ARHGEF7: variants seen among roughly 807,000 people sequenced by gnomAD.
The protein encoded by ARHGEF7 is Rho guanine nucleotide exchange factor 7.
ARHGEF7 carries 33 observed loss-of-function variants against 109.8 expected under a neutral mutation model. The observed-to-expected ratio is 0.30, with a 90% CI of 0.23 to 0.40. The LOEUF (loss-of-function observed/expected upper bound fraction) is 0.40, where lower values mean the gene tolerates loss of function less well. ARHGEF7 is among the 10% of genes least tolerant of loss of function. The pLI is 1.00. For missense variants in ARHGEF7, 938 were observed against 1,098.5 expected (o/e 0.85, Z 2.07); for synonymous variants, 458 against 424.6 (o/e 1.08, Z -0.97).
intron 18 of ARHGEF7, among the ~76,000 whole-genome samples, chr13:111,291,839 T>C (rs1255986574): frequency 1.3e-5 from 2 of 152,212 alleles, no homozygotes; most frequent in African/African-American, 2.4e-5. Context: ...TAGAGCAATA[T>C]CTTTTTTTAA....
intron 2 of ARHGEF7, among the ~76,000 whole-genome samples, chr13:111,168,885 T>G (rs2077348540): frequency 6.6e-6 from 1 of 152,200 alleles, no homozygotes; most frequent in African/African-American, 2.4e-5. Flanking sequence ...TTGGATGACA[T>G]GAGGAGGGTA....
In ARHGEF7 at chr13:111,273,679, A is replaced by C; in HGVS notation, c.1074-135A>C. The C allele has an allele frequency of 1.6e-6, 2 of 1,258,680 alleles. No individual in the cohort carries two copies. Among genetic ancestry groups the C allele is most frequent in the African/African-American group, 3.0e-5 (2 of 67,248 alleles). 78.0% of individuals were successfully genotyped at this position (1,258,680 alleles called of 1,614,324 possible). A position where few individuals can be genotyped will look rare whatever the true frequency, so the allele number is the denominator to read the frequency against. On this transcript the variant is annotated intron_variant, in intron 9 of 21. Transcript: ENST00000646102. This position sits in a 1 kb window ranked among gnomAD's most constrained non-coding sequence, Gnocchi z 4.5. ...CAGATAAGCAGCGCAGATTTGGGAT[A>C]AAAGCTGGAGCCTTCCAGATGTTAA...
At chr13:111,222,601 TG>T (rs1252838377) in intron 5 of ARHGEF7, among the ~76,000 whole-genome samples, 1 of 152,174 alleles carries the variant, frequency 6.6e-6, no homozygotes, top group Non-Finnish European at 1.5e-5. Flanking sequence ...GGCTAATTTT[TG>T]TATTTTTAGT....
intron 8 of ARHGEF7, among the ~76,000 whole-genome samples, chr13:111,262,416 G>A (rs151017251): frequency 6.8e-6 from 1 of 146,896 alleles, no homozygotes; most frequent in African/African-American, 2.4e-5. Context: ...GTGTGTGCAT[G>A]TGTGTGTGTG....
chr13:111,120,762 G>T (rs776136752), intron 1 of ARHGEF7, among the ~76,000 whole-genome samples: 3 of 152,180 alleles, frequency 2.0e-5, no homozygotes, highest in Non-Finnish European at 4.4e-5. Flanking sequence ...TGTCTGCCCA[G>T]CATGGCAGGC....
chr13:111,254,648 T>A, intron 8 of ARHGEF7, among the ~76,000 whole-genome samples: 1 of 109,954 alleles, frequency 9.1e-6, no homozygotes, highest in African/African-American at 3.7e-5. Flanking sequence ...CAGAAGAGGA[T>A]TCGGGCTAAG....
At chr13:111,137,569 G>C (rs1311975500) in intron 1 of ARHGEF7, among the ~76,000 whole-genome samples, 1 of 152,204 alleles carries the variant, frequency 6.6e-6, no homozygotes, top group Non-Finnish European at 1.5e-5. Flanking sequence ...TGGGCTTTTG[G>C]AGTATTTAAG....
chr13:111,120,883 G>A (rs991118790), intron 1 of ARHGEF7, among the ~76,000 whole-genome samples: 3 of 152,226 alleles, frequency 2.0e-5, no homozygotes, highest in Non-Finnish European at 4.4e-5. Flanking sequence ...TGCACTCGGA[G>A]GCGGAAGATT....
rs569114092 is a variant in ARHGEF7 at position 111,215,695 on chromosome 13, G to T, written c.469-1984G>T. 9.8e-4 allele frequency among the ~76,000 whole-genome samples: 149 copies of T among 152,274 alleles called. 1 individual carries two copies. Among genetic ancestry groups the T allele is most frequent in the African/African-American group, 3.5e-3 (144 of 41,542 alleles). On this transcript the variant is annotated intron_variant, in intron 4 of 21. Transcript: ENST00000646102. Reference sequence around the variant, plus strand: ...GCAGGTTGCAGATCTAGTCTTTTGCGTATTTCTAAGGGTCTCTTTGACATT... The same window carrying T: ...GCAGGTTGCAGATCTAGTCTTTTGCTTATTTCTAAGGGTCTCTTTGACATT...
chr13:111,146,436 A>T (rs1209324977), intron 1 of ARHGEF7, among the ~76,000 whole-genome samples: 1 of 152,200 alleles, frequency 6.6e-6, no homozygotes, highest in Non-Finnish European at 1.5e-5. Context: ...CCTGGCTGAA[A>T]ATCAGAATCA....
At chr13:111,162,790 T>G (rs2039073325) in intron 2 of ARHGEF7, among the ~76,000 whole-genome samples, 1 of 152,220 alleles carries the variant, frequency 6.6e-6, no homozygotes, top group Non-Finnish European at 1.5e-5. Context: ...CCCACAAGAA[T>G]AGTTAAAAAT....
At chr13:111,143,703 C>T (rs886667725) in intron 1 of ARHGEF7, 2 of 152,192 alleles carry the variant, frequency 1.3e-5, no homozygotes, top group African/African-American at 4.8e-5. Context: ...TCTTCAAGGG[C>T]ACATGGAATG....
At chr13:111,188,918 A>G (rs1358910910) in intron 2 of ARHGEF7, among the ~76,000 whole-genome samples, 2 of 152,106 alleles carry the variant, frequency 1.3e-5, no homozygotes, top group Admixed American at 6.5e-5. Flanking sequence ...ACATGTTACC[A>G]CCTCCTGCTA....
intron 4 of ARHGEF7, among the ~76,000 whole-genome samples, chr13:111,213,959 G>A (rs990409905): frequency 1.3e-5 from 2 of 152,170 alleles, no homozygotes; most frequent in Non-Finnish European, 2.9e-5. Flanking sequence ...TAAGTAACCT[G>A]TCTTGAGAGT....
chr13:111,115,516 G>A lies in ARHGEF7; in HGVS notation c.-11G>A, dbSNP rs746962215. 1 of 1,285,748 alleles carries A rather than the reference G, an allele frequency of 7.8e-7. No individual in the cohort carries two copies. Among genetic ancestry groups the A allele is most frequent in the Admixed American group, 2.3e-5 (1 of 42,790 alleles). 79.6% of individuals were successfully genotyped at this position (1,285,748 alleles called of 1,614,324 possible). On this transcript the variant is annotated 5_prime_UTR_variant, in exon 1 of 22. Transcript: ENST00000646102. ...GCGCGCCCCTCCCCGCCTGCCTCCC[G>A]GGCCGCAGCGATGAATTCCGCCGAG...
At chr13:111,153,843 G>T (rs2076067167) in intron 1 of ARHGEF7, 62 bp from the exon 2 acceptor site, 10 of 1,567,294 alleles carry the variant, frequency 6.4e-6, no homozygotes, top group Admixed American at 1.8e-5. Flanking sequence ...GCGTCGCTCG[G>T]CCTTGTCCGC....
intron 19 of ARHGEF7, among the ~76,000 whole-genome samples, chr13:111,297,684 G>C (rs926479956): frequency 6.6e-6 from 1 of 152,250 alleles, no homozygotes; most frequent in Admixed American, 6.5e-5. Context: ...ACCACGAGGG[G>C]CGTCCTGGTT....
chr13:111,298,296 G>A (rs1007492128), intron 19 of ARHGEF7, among the ~76,000 whole-genome samples: 13 of 152,210 alleles, frequency 8.5e-5, no homozygotes, highest in African/African-American at 2.9e-4. Flanking sequence ...GGTACCCTTT[G>A]TATTTGTATG....
At chr13:111,288,942 CTAAT>C (rs1271567119) in intron 18 of ARHGEF7, among the ~76,000 whole-genome samples, 1 of 152,088 alleles carries the variant, frequency 6.6e-6, no homozygotes, top group Non-Finnish European at 1.5e-5. Flanking sequence ...AAATTTACAA[CTAAT>C]TTATTCAGCA....
Sources: gnomAD v4.1 joint callset for allele counts (sites outside exome capture counted in the v4.1 genomes callset) on GRCh38, gnomAD v4.1.1 for gene constraint, Gnocchi (gnomAD v3.1) non-coding constraint, MANE v1.5 for transcripts, NCBI Gene and HGNC (gene_info 2026-07-23, HGNC 2026-07-21) for gene names.